MTMR1: variants seen among roughly 807,000 people sequenced by gnomAD.
MTMR1 encodes myotubularin related protein 1, also known as phosphatidylinositol-3-phosphate phosphatase MTMR1.
Under a neutral mutation model 51.6 loss-of-function variants are expected in MTMR1, and 17 were observed. That is an observed-to-expected ratio of 0.33 (90% CI 0.23 to 0.49). The LOEUF is 0.49. Among genes scored for constraint, MTMR1 ranks in the 20% least tolerant of loss-of-function variants. The pLI, the probability that MTMR1 is intolerant of heterozygous loss-of-function variation, is 0.99. For missense variants in MTMR1, 386 were observed against 526.9 expected, an observed-to-expected ratio of 0.73 and a Z score of 2.62; for synonymous variants, 201 against 205.6, an observed-to-expected ratio of 0.98 and a Z score of 0.19.
In MTMR1 at chrX:150,737,403, T is replaced by C. The variant is rs1198519432; in HGVS notation, c.1428T>C (p.Thr476=). 12 of 1,210,073 alleles carry C rather than the reference T, an allele frequency of 9.9e-6. No individual in the cohort carries two copies. The highest frequency in any genetic ancestry group is 2.2e-5 in the Admixed American group (1 of 45,755). ...ACAGGACCATTAAAGGATTTGAAAC[T>C]CTCGTAGAAAAGGAGTGGATAAGCT... ...SYYRTIKGFE[T]LVEKEWISFG... is the part of the protein sequence containing the mutation. Residue 476 remains threonine, a synonymous_variant, in exon 12 of 16, where the codon ACT becomes ACC. Transcript: ENST00000445323.
At chrX:150,727,122 G>A (rs1283639212) in intron 4 of MTMR1, 93 bp from the exon 5 acceptor site, 16 of 522,742 alleles carry the variant, frequency 3.1e-5, no homozygotes, top group African/African-American at 5.1e-5. Context: ...CTGGAAAACT[G>A]GAATCACAAA....
chrX:150,705,691 T>C (rs192713588), intron 2 of MTMR1, among the ~76,000 whole-genome samples: 1 of 111,541 alleles, frequency 9.0e-6, no homozygotes, highest in Non-Finnish European at 1.9e-5. Context: ...ATACCTATCC[T>C]AAAAGAATGG....
intron 13 of MTMR1, among the ~76,000 whole-genome samples, chrX:150,744,682 AC>A (rs1428303228): frequency 1.8e-5 from 2 of 112,274 alleles, no homozygotes; most frequent in Admixed American, 1.9e-4. Flanking sequence ...CATCTTGTCC[AC>A]TAGGTCCAAA....
intron 7 of MTMR1, 83 bp downstream of exon 7, chrX:150,730,293 G>GTTT: frequency 1.7e-6 from 1 of 585,090 alleles, no homozygotes; most frequent in Non-Finnish European, 2.4e-6. Context: ...TTTTCCAGAG[G>GTTT]TTTTTTTTTT....
Position 150,737,406 on chromosome X carries a change from C to T in MTMR1, c.1431C>T (p.Leu477=), listed in dbSNP as rs782651692. Reference sequence around the variant, plus strand: ...GGACCATTAAAGGATTTGAAACTCTCGTAGAAAAGGAGTGGATAAGCTTTG... The same window carrying T: ...GGACCATTAAAGGATTTGAAACTCTTGTAGAAAAGGAGTGGATAAGCTTTG... ...YYRTIKGFET[L]VEKEWISFGH... is the part of the protein sequence containing the mutation. The change falls in exon 12 of 16, where the codon CTC becomes CTT. Residue 477 remains leucine, a synonymous_variant. Transcript: ENST00000445323. 1.7e-6 allele frequency: 2 copies of T among 1,209,883 alleles called. No homozygotes were observed. The highest frequency in any genetic ancestry group is 1.8e-5 in the African/African-American group (1 of 57,079).
At chrX:150,762,013 C>T (rs782340216) in intron 15 of MTMR1, among the ~76,000 whole-genome samples, 1 of 112,737 alleles carries the variant, frequency 8.9e-6, no homozygotes, top group Non-Finnish European at 1.9e-5. Context: ...TCCCCACCCC[C>T]CTGCCGGCAC....
intron 1 of MTMR1, among the ~76,000 whole-genome samples, chrX:150,694,880 A>T (rs1447873074): frequency 8.9e-6 from 1 of 112,204 alleles, no homozygotes; most frequent in Non-Finnish European, 1.9e-5. Context: ...GAATGTGATA[A>T]ATGAGATAGG....
At chrX:150,739,876 A>G (rs1557417267) in intron 12 of MTMR1, among the ~76,000 whole-genome samples, 1 of 112,038 alleles carries the variant, frequency 8.9e-6, no homozygotes, top group South Asian at 3.8e-4. Context: ...GGGTGGAGCC[A>G]GCCTTTAAAC....
At chrX:150,736,444 T>G in intron 10 of MTMR1, 151 bp from the exon 11 acceptor site, 1 of 466,971 alleles carries the variant, frequency 2.1e-6, no homozygotes, top group Non-Finnish European at 3.5e-6. Flanking sequence ...GTGGTTCTTT[T>G]TCCAGCAGCC....
chrX:150,737,777 CAT>C (rs1456268149), intron 12 of MTMR1, among the ~76,000 whole-genome samples: 2 of 111,988 alleles, frequency 1.8e-5, no homozygotes, highest in Admixed American at 9.5e-5. Flanking sequence ...AGTTTGAAAA[CAT>C]ACTCTGGCCA....
chrX:150,707,914 C>CA (rs373142933), intron 2 of MTMR1, among the ~76,000 whole-genome samples: 82 of 112,095 alleles, frequency 7.3e-4, no homozygotes, highest in African/African-American at 2.6e-3. Context: ...TAATGATACA[C>CA]ACAGGCAACT....
chrX:150,743,759 C>T (rs1313066781), intron 12 of MTMR1, among the ~76,000 whole-genome samples: 1 of 111,827 alleles, frequency 8.9e-6, no homozygotes, highest in Admixed American at 9.5e-5. Context: ...TATCTTTTAC[C>T]TTTTGGTATG....
chrX:150,735,519 T>C (rs1557417131), intron 10 of MTMR1: 1 of 494,367 alleles, frequency 2.0e-6, no homozygotes, highest in Non-Finnish European at 3.6e-6. Flanking sequence ...TATGCCCTCC[T>C]CTTCTAGTTT....
chrX:150,717,381 A>G (rs2041572616), intron 3 of MTMR1, among the ~76,000 whole-genome samples: 1 of 97,402 alleles, frequency 1.0e-5, no homozygotes, highest in South Asian at 4.6e-4. Context: ...AAAAAAAAAA[A>G]AGGAGAAGAA....
chrX:150,726,058 A>G (rs1557416752), intron 4 of MTMR1, among the ~76,000 whole-genome samples: 1 of 111,909 alleles, frequency 8.9e-6, no homozygotes, highest in African/African-American at 3.3e-5. Context: ...GTGGATCAGC[A>G]CTGGTCCATG....
At chrX:150,718,793 G>A (rs894272783) in intron 4 of MTMR1, 93 bp downstream of exon 4, 7 of 873,331 alleles carry the variant, frequency 8.0e-6, no homozygotes, top group East Asian at 3.2e-5. Context: ...CTGGAGATCC[G>A]CCAGACCAAC....
intron 12 of MTMR1, 128 bp from the exon 13 acceptor site, chrX:150,744,233 G>A (rs1557417389): frequency 4.8e-6 from 2 of 416,495 alleles, no homozygotes; most frequent in African/African-American, 5.1e-5. Flanking sequence ...ACATTTTTGA[G>A]TGCCTGTTAT....
chrX:150,699,199 A>G lies in MTMR1; in HGVS notation c.151A>G (p.Thr51Ala). ...AATCCATGCTATTTTTTTTAGTCCCACAGGATCACATGTTGAATGGTGTAA... is the reference window on the plus strand; with the variant it reads ...AATCCATGCTATTTTTTTTAGTCCCGCAGGATCACATGTTGAATGGTGTAA... Reference protein sequence around the residue: ...QPSVETLDSPTGSHVEWCKQL... With the variant: ...QPSVETLDSPAGSHVEWCKQL... The change falls in exon 2 of 16, where the codon ACA becomes GCA. Residue 51 changes from threonine (T) to alanine (A), a missense_variant. By Grantham distance (58) the Thr-to-Ala change is moderately conservative (BLOSUM62 0). Coordinates refer to ENST00000445323, the MANE Select transcript of MTMR1 (RefSeq NM_001306144.3). The G allele has an allele frequency of 4.2e-6, 5 of 1,176,850 alleles. No individual in the cohort carries two copies. In the South Asian group the frequency reaches 7.7e-5, roughly 18 times the overall value.
chrX:150,759,446 G>A (rs2043014543), intron 15 of MTMR1, among the ~76,000 whole-genome samples: 1 of 111,550 alleles, frequency 9.0e-6, no homozygotes, highest in Non-Finnish European at 1.9e-5. Context: ...AAATCCAACA[G>A]AACCATGCCT....
Sources: gnomAD v4.1 joint callset for allele counts (sites outside exome capture counted in the v4.1 genomes callset) on GRCh38, gnomAD v4.1.1 for gene constraint, MANE v1.5 for transcripts, NCBI Gene and HGNC (gene_info 2026-07-23, HGNC 2026-07-21) for gene names.